DLGAP1: variants seen among roughly 807,000 people sequenced by gnomAD.
DLGAP1 encodes disks large-associated protein 1.
DLGAP1 carries 11 observed loss-of-function variants against 90.8 expected under a neutral mutation model. That is an observed-to-expected ratio of 0.12 (90% CI 0.08 to 0.20). The LOEUF is 0.20. Among genes scored for constraint, DLGAP1 ranks in the 10% least tolerant of loss-of-function variants. DLGAP1 has a pLI of 1.00. For synonymous variants in DLGAP1, 558 were observed against 540.7 expected (o/e 1.03, Z -0.44); for missense variants, 1,050 against 1,333.8 (o/e 0.79, Z 3.31).
chr18:4,126,386 G>A (rs1250078527), intron 2 of DLGAP1, among the ~76,000 whole-genome samples: 1 of 152,120 alleles, frequency 6.6e-6, no homozygotes, highest in East Asian at 1.9e-4. Context: ...AAAATACAAA[G>A]CTTGTTTGCC....
At chr18:4,019,354 G>C (rs1209297532) in intron 2 of DLGAP1, among the ~76,000 whole-genome samples, 6 of 152,046 alleles carry the variant, frequency 3.9e-5, no homozygotes, top group Non-Finnish European at 5.9e-5. Flanking sequence ...AATAGATTCT[G>C]ACACTTAACC....
chr18:3,628,249 G>A (rs948600419), intron 7 of DLGAP1, among the ~76,000 whole-genome samples: 2 of 150,250 alleles, frequency 1.3e-5, no homozygotes, highest in South Asian at 2.1e-4. Flanking sequence ...GAGTGCAGTG[G>A]TGTGATCTTG....
Position 3,892,121 on chromosome 18 carries a change from A to AC in DLGAP1, c.-72-11982dup, listed in dbSNP as rs1379430673. On this transcript the variant is annotated intron_variant, in intron 3 of 12. Coordinates refer to ENST00000315677, the MANE Select transcript of DLGAP1 (RefSeq NM_004746.4). ...TGTTCTTATCACCTCTAAAACACAC[A>AC]CACACACACACACACACACACACAC... 4 of 37,198 alleles carry AC rather than the reference A, an allele frequency of 1.1e-4. No homozygotes were observed. In the East Asian group the frequency reaches 1.4e-3, roughly 13 times the overall value. The allele number at this position is 37,198 out of a possible 1,614,324, so 2.3% of individuals were successfully genotyped here. A position where few individuals can be genotyped will look rare whatever the true frequency, so the allele number is the denominator to read the frequency against.
intron 3 of DLGAP1, among the ~76,000 whole-genome samples, chr18:3,924,079 T>C (rs1422826671): frequency 6.6e-6 from 1 of 152,178 alleles, no homozygotes; most frequent in Non-Finnish European, 1.5e-5. Flanking sequence ...TGTTTAAAAG[T>C]GTCAGTGATG....
chr18:4,083,089 T>G (rs1408004617), intron 2 of DLGAP1, among the ~76,000 whole-genome samples: 1 of 152,146 alleles, frequency 6.6e-6, no homozygotes, highest in Non-Finnish European at 1.5e-5. Context: ...TTTCTGCTAA[T>G]GAAGAGATAA....
intron 2 of DLGAP1, among the ~76,000 whole-genome samples, chr18:4,025,578 T>C (rs2074686469): frequency 6.6e-6 from 1 of 152,198 alleles, no homozygotes; most frequent in African/African-American, 2.4e-5. Context: ...GTCCTGGTTT[T>C]CTGACTCTAA....
chr18:4,130,461 C>G (rs1394238645), intron 2 of DLGAP1, among the ~76,000 whole-genome samples: 3 of 152,146 alleles, frequency 2.0e-5, no homozygotes, highest in Non-Finnish European at 4.4e-5. Context: ...GAAACTCTTA[C>G]CATTTCAACA....
chr18:4,134,492 C>A (rs914344590), intron 2 of DLGAP1, among the ~76,000 whole-genome samples: 2 of 151,946 alleles, frequency 1.3e-5, no homozygotes, highest in Admixed American at 6.6e-5. Context: ...ATGTCAGTAA[C>A]AAAGCAGGAA....
At chr18:4,441,858 C>A (rs1015762415) in intron 1 of DLGAP1, among the ~76,000 whole-genome samples, 2 of 152,174 alleles carry the variant, frequency 1.3e-5, no homozygotes, top group African/African-American at 4.8e-5. Flanking sequence ...GGATGCCAAC[C>A]AATTGTCAGG....
At chr18:4,306,073 AG>A (rs1161302376) in intron 1 of DLGAP1, among the ~76,000 whole-genome samples, 2 of 137,876 alleles carry the variant, frequency 1.5e-5, no homozygotes, top group South Asian at 2.3e-4. Flanking sequence ...CACGGGGGAG[AG>A]GGGGGCGGAG....
intron 10 of DLGAP1, among the ~76,000 whole-genome samples, chr18:3,521,450 C>T (rs1238321430): frequency 2.6e-5 from 4 of 152,198 alleles, no homozygotes; most frequent in Non-Finnish European, 4.4e-5. Flanking sequence ...CAAGCGCCCA[C>T]GGCTTCCCAA....
At chr18:4,014,689 A>C (rs548783505) in intron 2 of DLGAP1, among the ~76,000 whole-genome samples, 2 of 152,310 alleles carry the variant, frequency 1.3e-5, no homozygotes, top group South Asian at 4.1e-4. Context: ...GTTGTATATT[A>C]ATAAAAATAA....
intron 5 of DLGAP1, among the ~76,000 whole-genome samples, chr18:3,750,830 C>A (rs534494774): frequency 4.1e-4 from 63 of 152,300 alleles, no homozygotes; most frequent in Admixed American, 7.2e-4. Flanking sequence ...GGAATGCTCT[C>A]CTTCCTCTGC....
At chr18:4,197,037 G>A (rs1266838955) in intron 1 of DLGAP1, among the ~76,000 whole-genome samples, 1 of 151,844 alleles carries the variant, frequency 6.6e-6, no homozygotes, top group Non-Finnish European at 1.5e-5. Flanking sequence ...GTTCAGTGTG[G>A]TGGTGGGCGC....
intron 7 of DLGAP1, among the ~76,000 whole-genome samples, chr18:3,685,489 G>A (rs911481714): frequency 7.4e-4 from 110 of 147,712 alleles, no homozygotes; most frequent in African/African-American, 2.7e-3. Flanking sequence ...GCGTGAACCC[G>A]GGAGGCAGAA....
intron 1 of DLGAP1, among the ~76,000 whole-genome samples, chr18:4,450,006 C>G (rs1054494206): frequency 5.3e-5 from 8 of 152,266 alleles, no homozygotes; most frequent in African/African-American, 9.6e-5. Flanking sequence ...AAAGCACATC[C>G]TAATTTGAAA....
chr18:4,236,714 T>G (rs2145096847), intron 1 of DLGAP1, among the ~76,000 whole-genome samples: 1 of 152,052 alleles, frequency 6.6e-6, no homozygotes, highest in Non-Finnish European at 1.5e-5. Context: ...GCGAGGTGGC[T>G]TCTACTAGAT....
chr18:4,279,017 G>T (rs1195962096), intron 1 of DLGAP1, among the ~76,000 whole-genome samples: 1 of 152,214 alleles, frequency 6.6e-6, no homozygotes, highest in Non-Finnish European at 1.5e-5. Context: ...AGTGGAATGT[G>T]TCTATTTTCT....
chr18:4,054,001 T>C (rs2075176105), intron 2 of DLGAP1, among the ~76,000 whole-genome samples: 1 of 152,220 alleles, frequency 6.6e-6, no homozygotes, highest in African/African-American at 2.4e-5. Flanking sequence ...TATAACTCTT[T>C]AATTCTATTA....
Sources: allele counts gnomAD v4.1 joint callset (sites outside exome capture counted in the v4.1 genomes callset), GRCh38; gene constraint gnomAD v4.1.1; transcripts MANE v1.5; gene names NCBI Gene and HGNC (gene_info 2026-07-23, HGNC 2026-07-21).